TNFSF4: variants seen among roughly 807,000 people sequenced by gnomAD.
TNFSF4 encodes TNF superfamily member 4, also known as tumor necrosis factor ligand superfamily member 4.
In TNFSF4, 4 loss-of-function variants were observed where a neutral mutation model predicts 7.3. The observed-to-expected ratio is 0.55, with a 90% CI of 0.27 to 1.25. The LOEUF is 1.25. Among genes scored for constraint, TNFSF4 ranks in the 50% most tolerant of loss-of-function variants. The pLI is 0.12. For missense variants in TNFSF4, 181 were observed against 208.8 expected, an observed-to-expected ratio of 0.87 and a Z score of 0.82; for synonymous variants, 76 against 83.7, an observed-to-expected ratio of 0.91 and a Z score of 0.50.
At chr1:173,270,989 G>A in the TNFSF4 span, among the ~76,000 whole-genome samples, 2 of 152,170 alleles carry the variant, frequency 1.3e-5, no homozygotes, top group East Asian at 1.9e-4. Flanking sequence ...ATTTCTCAAC[G>A]TAAGCTGCAT....
At chr1:173,394,754 C>T in the TNFSF4 span, among the ~76,000 whole-genome samples, 3 of 152,080 alleles carry the variant, frequency 2.0e-5, no homozygotes, top group Non-Finnish European at 4.4e-5. Flanking sequence ...TTCTATTACA[C>T]CACTGGCTTC....
At chr1:173,306,594 AACACTTCCT>A in the TNFSF4 span, among the ~76,000 whole-genome samples, 45 of 152,002 alleles carry the variant, frequency 3.0e-4, no homozygotes, top group South Asian at 1.5e-3. Context: ...CATCACTAGG[AACACTTCCT>A]ACACTTCCTA....
the TNFSF4 span, among the ~76,000 whole-genome samples, chr1:173,411,024 T>C: frequency 6.6e-6 from 1 of 152,210 alleles, no homozygotes; most frequent in African/African-American, 2.4e-5. Context: ...AGGAAGGACT[T>C]GGGGGAAGTC....
At chr1:173,201,134 G>T (rs770995929) in intron 1 of TNFSF4, among the ~76,000 whole-genome samples, 1 of 152,144 alleles carries the variant, frequency 6.6e-6, no homozygotes, top group Non-Finnish European at 1.5e-5. Flanking sequence ...AAAATAAGAA[G>T]AAACGGAAAT....
At chr1:173,400,737 T>TA in the TNFSF4 span, among the ~76,000 whole-genome samples, 3 of 152,202 alleles carry the variant, frequency 2.0e-5, no homozygotes, top group African/African-American at 7.2e-5. Flanking sequence ...GGGCATCTCT[T>TA]ACTATTACTC....
chr1:173,194,359 T>C (rs990257534), intron 1 of TNFSF4, among the ~76,000 whole-genome samples: 1 of 152,232 alleles, frequency 6.6e-6, no homozygotes. Context: ...TGAACTTCTA[T>C]GCCAGTTGGG....
the TNFSF4 span, among the ~76,000 whole-genome samples, chr1:173,419,165 C>T: frequency 1.3e-5 from 2 of 152,120 alleles, no homozygotes; most frequent in South Asian, 4.2e-4. Context: ...CGGTGAAACC[C>T]CATCTCTACC....
At chr1:173,382,546 C>G in the TNFSF4 span, among the ~76,000 whole-genome samples, 1 of 152,142 alleles carries the variant, frequency 6.6e-6, no homozygotes, top group Non-Finnish European at 1.5e-5. Context: ...ACGTTCTGCA[C>G]GTGTATCCCA....
At chr1:173,426,444 A>G in the TNFSF4 span, among the ~76,000 whole-genome samples, 3 of 152,124 alleles carry the variant, frequency 2.0e-5, no homozygotes, top group Non-Finnish European at 4.4e-5. Flanking sequence ...TTGTTTTCTG[A>G]GCTTTAACAT....
chr1:173,417,612 T>C, the TNFSF4 span, among the ~76,000 whole-genome samples: 1 of 152,206 alleles, frequency 6.6e-6, no homozygotes, highest in Non-Finnish European at 1.5e-5. Context: ...GGGTGAGTAC[T>C]GATTTCTCTC....
chr1:173,393,612 A>G, the TNFSF4 span, among the ~76,000 whole-genome samples: 1 of 152,252 alleles, frequency 6.6e-6, no homozygotes, highest in African/African-American at 2.4e-5. Context: ...CTGTAGCACA[A>G]TAGATGAGAT....
upstream of TNFSF4, among the ~76,000 whole-genome samples, chr1:173,210,256 G>A (rs533361946): frequency 2.0e-4 from 31 of 152,268 alleles, no homozygotes; most frequent in South Asian, 2.3e-3. Flanking sequence ...ACAGGAAAGC[G>A]GAATCTCCAC....
At chr1:173,343,279 G>A in the TNFSF4 span, among the ~76,000 whole-genome samples, 1 of 152,198 alleles carries the variant, frequency 6.6e-6, no homozygotes, top group South Asian at 2.1e-4. Flanking sequence ...TCAGGGAAGG[G>A]AGTCATTGCA....
At chr1:173,244,658 C>A in the TNFSF4 span, among the ~76,000 whole-genome samples, 195 of 135,904 alleles carry the variant, frequency 1.4e-3, no homozygotes, top group African/African-American at 3.1e-3. Flanking sequence ...AAACAAAAAA[C>A]AAAAAAAACA....
the TNFSF4 span, among the ~76,000 whole-genome samples, chr1:173,344,495 A>C: frequency 6.6e-6 from 1 of 152,234 alleles, no homozygotes; most frequent in African/African-American, 2.4e-5. Context: ...GTAAACAACT[A>C]ACACGGTACC....
chr1:173,252,033 T>C, the TNFSF4 span, among the ~76,000 whole-genome samples: 1 of 152,276 alleles, frequency 6.6e-6, no homozygotes, highest in Admixed American at 6.5e-5. Context: ...TTTAGTTGGC[T>C]AACTAGATCA....
At chr1:173,189,481 T>C (rs988031515) in intron 1 of TNFSF4, among the ~76,000 whole-genome samples, 9 of 152,156 alleles carry the variant, frequency 5.9e-5, no homozygotes, top group Admixed American at 5.9e-4. Context: ...ATCTTTCTCT[T>C]CAACAGCTTT....
At chr1:173,179,386 C>T (rs912411372), downstream of TNFSF4, among the ~76,000 whole-genome samples, 1 of 152,156 alleles carries the variant, frequency 6.6e-6, no homozygotes, top group Admixed American at 6.5e-5. Flanking sequence ...TTCTAAATCT[C>T]ATGCGAACTT....
chr1:173,310,068 G>C, the TNFSF4 span, among the ~76,000 whole-genome samples: 3 of 151,436 alleles, frequency 2.0e-5, no homozygotes, highest in African/African-American at 7.3e-5. Context: ...CCCTCTTTTT[G>C]TCTTTATCAG....
Sources: gnomAD v4.1 joint callset for allele counts (sites outside exome capture counted in the v4.1 genomes callset) on GRCh38, gnomAD v4.1.1 for gene constraint, MANE v1.5 for transcripts, NCBI Gene and HGNC (gene_info 2026-07-23, HGNC 2026-07-21) for gene names.